NFIL3: variants seen among roughly 807,000 people sequenced by gnomAD.
NFIL3 encodes nuclear factor interleukin-3-regulated protein.
Under a neutral mutation model 10.0 loss-of-function variants are expected in NFIL3, and 5 were observed. The observed-to-expected ratio is 0.50, with a 90% CI of 0.26 to 1.06. NFIL3 has a LOEUF of 1.06. NFIL3 is among the 50% of genes least tolerant of loss of function. The pLI, the probability that NFIL3 is intolerant of heterozygous loss-of-function variation, is 0.13. For missense variants in NFIL3, 436 were observed against 547.6 expected (o/e 0.80, Z 2.03); for synonymous variants, 202 against 206.5 (o/e 0.98, Z 0.19).
At chr9:91,446,276 A>C in the NFIL3 span, among the ~76,000 whole-genome samples, 1 of 152,260 alleles carries the variant, frequency 6.6e-6, no homozygotes, top group East Asian at 1.9e-4. Context: ...GGTGGAGGCA[A>C]ACTGTTTCCT....
the NFIL3 span, among the ~76,000 whole-genome samples, chr9:91,436,734 C>T: frequency 6.6e-6 from 1 of 152,168 alleles, no homozygotes; most frequent in Non-Finnish European, 1.5e-5. Flanking sequence ...AGAAGATCTT[C>T]AACTTCTCTG....
the NFIL3 span, among the ~76,000 whole-genome samples, chr9:91,445,478 T>G: frequency 6.6e-6 from 1 of 152,154 alleles, no homozygotes; most frequent in East Asian, 1.9e-4. Flanking sequence ...ACTCCAGTTT[T>G]AGGGAGGCAG....
At chr9:91,466,258 C>T in the NFIL3 span, among the ~76,000 whole-genome samples, 1 of 152,056 alleles carries the variant, frequency 6.6e-6, no homozygotes, top group Non-Finnish European at 1.5e-5. Flanking sequence ...TGACAACAAC[C>T]CAACTCCAGC....
the NFIL3 span, among the ~76,000 whole-genome samples, chr9:91,439,213 C>G: frequency 6.6e-6 from 1 of 152,064 alleles, no homozygotes; most frequent in Non-Finnish European, 1.5e-5. Flanking sequence ...TTTTTAGTGT[C>G]TAGATCTTTT....
chr9:91,476,407 T>C, the NFIL3 span, among the ~76,000 whole-genome samples: 2 of 152,058 alleles, frequency 1.3e-5, no homozygotes, highest in Non-Finnish European at 2.9e-5. Context: ...ACCCCGTCTC[T>C]ACAAAAAATA....
chr9:91,420,600 T>C (rs182021996), intron 1 of NFIL3, among the ~76,000 whole-genome samples: 164 of 152,332 alleles, frequency 1.1e-3, no homozygotes, highest in Middle Eastern at 3.4e-3. Flanking sequence ...AAACCTGTTC[T>C]CTAACTACTG....
rs931410310 is a variant in NFIL3, at chr9:91,410,764, T to C, written c.-30A>G. The C allele has an allele frequency of 2.0e-6, 3 of 1,523,142 alleles. No individual in the cohort carries two copies. Among genetic ancestry groups the C allele is most frequent in the East Asian group, 4.6e-5 (2 of 43,844 alleles). 94.4% of individuals were successfully genotyped at this position (1,523,142 alleles called of 1,614,324 possible). On this transcript the variant is annotated 5_prime_UTR_variant, in exon 2 of 2. Transcript: ENST00000297689. The surrounding 1 kb of genome is among the most constrained non-coding windows in gnomAD (Gnocchi z 5.7). ...AACAACCTTACCCTATCTATGTGTG[T>C]AGGAGAACAAATTAATTTCCCCGTA... is the stretch of plus-strand genomic sequence containing the variant.
the NFIL3 span, among the ~76,000 whole-genome samples, chr9:91,475,124 A>T: frequency 2.1e-4 from 32 of 152,188 alleles, no homozygotes; most frequent in Non-Finnish European, 1.5e-5. Context: ...TTTCTTGAGC[A>T]TTCATTGTTA....
chr9:91,447,544 T>C, the NFIL3 span, among the ~76,000 whole-genome samples: 1 of 152,238 alleles, frequency 6.6e-6, no homozygotes, highest in Non-Finnish European at 1.5e-5. Flanking sequence ...TGTGAAGTGA[T>C]ATCTCATTGT....
chr9:91,471,684 G>A, the NFIL3 span, among the ~76,000 whole-genome samples: 3 of 151,836 alleles, frequency 2.0e-5, no homozygotes, highest in African/African-American at 7.3e-5. Context: ...CTTTTAATTG[G>A]AGCATTTAAC....
At chr9:91,465,343 C>T in the NFIL3 span, among the ~76,000 whole-genome samples, 1 of 152,064 alleles carries the variant, frequency 6.6e-6, no homozygotes, top group African/African-American at 2.4e-5. Flanking sequence ...TGTGTTAAAC[C>T]TCAATGATTC....
At chr9:91,424,703 C>A (rs1264685132), upstream of NFIL3, among the ~76,000 whole-genome samples, 1 of 152,214 alleles carries the variant, frequency 6.6e-6, no homozygotes, top group African/African-American at 2.4e-5. Flanking sequence ...ATCTACCCAC[C>A]CCCGCCACGC....
the NFIL3 span, among the ~76,000 whole-genome samples, chr9:91,445,868 G>T: frequency 6.6e-6 from 1 of 152,120 alleles, no homozygotes; most frequent in South Asian, 2.1e-4. Context: ...GGGGTAGGTT[G>T]TAGTAACAGC....
At chr9:91,459,580 G>A in the NFIL3 span, among the ~76,000 whole-genome samples, 23 of 152,244 alleles carry the variant, frequency 1.5e-4, no homozygotes, top group East Asian at 2.3e-3. Context: ...AGCTACTCAG[G>A]AAGCTGAGGC....
chr9:91,466,334 T>A, the NFIL3 span, among the ~76,000 whole-genome samples: 1 of 152,138 alleles, frequency 6.6e-6, no homozygotes, highest in Non-Finnish European at 1.5e-5. Context: ...TGAAAAACCA[T>A]GACCAGCTGA....
the NFIL3 span, among the ~76,000 whole-genome samples, chr9:91,472,643 G>T: frequency 6.6e-6 from 1 of 152,088 alleles, no homozygotes; most frequent in East Asian, 1.9e-4. Flanking sequence ...CTTGTGATGG[G>T]TTCAAACATC....
the NFIL3 span, among the ~76,000 whole-genome samples, chr9:91,452,267 T>G: frequency 2.0e-5 from 3 of 152,214 alleles, no homozygotes; most frequent in Non-Finnish European, 4.4e-5. Flanking sequence ...AACTTTAGTC[T>G]CCACAACACC....
chr9:91,421,987 A>G (rs992706842), intron 1 of NFIL3, among the ~76,000 whole-genome samples: 4 of 152,242 alleles, frequency 2.6e-5, no homozygotes, highest in Non-Finnish European at 5.9e-5. Context: ...AGACAAAAAA[A>G]CAATCTACTA....
At chr9:91,429,941 C>T in the NFIL3 span, among the ~76,000 whole-genome samples, 1 of 152,046 alleles carries the variant, frequency 6.6e-6, no homozygotes, top group Non-Finnish European at 1.5e-5. Flanking sequence ...TTCTCGTCTG[C>T]TGTGTGCCTC....
Sources: gnomAD v4.1 joint callset for allele counts (sites outside exome capture counted in the v4.1 genomes callset) on GRCh38, gnomAD v4.1.1 for gene constraint, Gnocchi (gnomAD v3.1) non-coding constraint, MANE v1.5 for transcripts, NCBI Gene and HGNC (gene_info 2026-07-23, HGNC 2026-07-21) for gene names.